SCCPDH: variants seen among roughly 807,000 people sequenced by gnomAD.
SCCPDH encodes saccharopine dehydrogenase (putative).
In SCCPDH, 34 loss-of-function variants were observed where a neutral mutation model predicts 51.5. The ratio of observed to expected loss-of-function variants is 0.66; its 90% confidence interval spans 0.50 to 0.88. The LOEUF is 0.88. Ranked by LOEUF, SCCPDH falls within the 40% of genes least tolerant of loss-of-function variation. The probability of loss-of-function intolerance (pLI) is 0.00; values close to 1 mark genes in which losing one functional copy is unlikely to be tolerated. For missense variants in SCCPDH, 464 were observed against 527.1 expected, an observed-to-expected ratio of 0.88 and a Z score of 1.17; for synonymous variants, 187 against 191.3, an observed-to-expected ratio of 0.98 and a Z score of 0.19.
intron 4 of SCCPDH, among the ~76,000 whole-genome samples, chr1:246,741,075 C>A (rs1352009323): frequency 6.6e-6 from 1 of 151,862 alleles, no homozygotes; most frequent in African/African-American, 2.4e-5. Flanking sequence ...CAGAGTGAGA[C>A]CTTGTCTCTT....
intron 1 of SCCPDH, among the ~76,000 whole-genome samples, chr1:246,726,344 C>G (rs1240762383): frequency 1.3e-5 from 2 of 152,056 alleles, no homozygotes; most frequent in Non-Finnish European, 2.9e-5. Context: ...CTAAGTGATT[C>G]TACCGCCTCA....
chr1:246,733,660 T>TAG (rs1668527708), intron 2 of SCCPDH, among the ~76,000 whole-genome samples: 1 of 151,900 alleles, frequency 6.6e-6, no homozygotes, highest in Non-Finnish European at 1.5e-5. Context: ...GAAATAGGTT[T>TAG]AGAGAGAGAG....
At position 246,725,414 on chromosome 1, in the gene SCCPDH, C is replaced by CG. The variant is rs1668381217; in HGVS notation, c.190+804dup. Among the ~76,000 whole-genome samples the CG allele has an allele frequency of 2.0e-5, 3 of 152,280 alleles. No homozygotes were observed. The South Asian group carries it at 6.2e-4, about 32-fold the overall frequency. On this transcript the variant is annotated intron_variant, in intron 1 of 11. Coordinates refer to ENST00000366510, the MANE Select transcript of SCCPDH (RefSeq NM_016002.3). ...ATGGGACAGAGAGGAGACAGACACA[C>CG]GGATCCTGCTGCCTTCATGGCTGGG...
chr1:246,767,199 G>A lies in SCCPDH; in HGVS notation c.1189G>A (p.Gly397Arg), dbSNP rs778375237. Residue 397 changes from glycine to arginine, a missense_variant, in exon 12 of 12, where the codon GGG becomes AGG. By Grantham distance (125) the Gly-to-Arg change is moderately radical. Coordinates refer to ENST00000366510, the MANE Select transcript of SCCPDH (RefSeq NM_016002.3). ...TCTCTTGTTATTGTTTTATAGGGGC[G>A]GGGTCTTCACACCTGGAGCAGCTTT... ...SDASHLPKAG[G>R]VFTPGAAFSK... 16 of 1,605,912 alleles carry A rather than the reference G, an allele frequency of 1.0e-5. No homozygotes were observed. Among genetic ancestry groups the A allele is most frequent in the Non-Finnish European group, 1.2e-5 (14 of 1,175,328 alleles).
At chr1:246,726,728 T>C (rs1006686484) in intron 1 of SCCPDH, among the ~76,000 whole-genome samples, 164 bp from the exon 2 acceptor site, 2 of 152,270 alleles carry the variant, frequency 1.3e-5, no homozygotes, top group African/African-American at 4.8e-5. Flanking sequence ...TCCTTTTGTA[T>C]TACCTGATTA....
chr1:246,754,262 A>C (rs1180681664), intron 5 of SCCPDH, among the ~76,000 whole-genome samples: 1 of 152,034 alleles, frequency 6.6e-6, no homozygotes, highest in Admixed American at 6.5e-5. Context: ...CCAGGTCGCC[A>C]GCCAGTTTCT....
intron 1 of SCCPDH, among the ~76,000 whole-genome samples, chr1:246,725,000 G>C (rs1263486811): frequency 2.0e-5 from 3 of 152,106 alleles, no homozygotes; most frequent in Non-Finnish European, 2.9e-5. Context: ...ATGTTTGGTC[G>C]GAGAGGAGAG....
At position 246,764,347 on chromosome 1, in the gene SCCPDH, G is replaced by A; in HGVS notation, c.1092G>A (p.Val364=). ...CAAATATCAAAATTTGTACTCAGGT[G>A]AAAGGACCAGGTATTTCACATATCA... ...NKPNIKICTQ[V]KGPEAGYVAT... The change falls in exon 10 of 12, where the codon GTG becomes GTA. Residue 364 remains valine, a synonymous_variant. Transcript: ENST00000366510. 1 of 1,597,864 alleles carries A rather than the reference G, an allele frequency of 6.3e-7. No individual in the cohort carries two copies. Among genetic ancestry groups the A allele is most frequent in the Non-Finnish European group, 8.6e-7 (1 of 1,166,224 alleles).
At chr1:246,763,921 A>G (rs901290761) in intron 9 of SCCPDH, among the ~76,000 whole-genome samples, 19 of 152,090 alleles carry the variant, frequency 1.2e-4, no homozygotes, top group Non-Finnish European at 2.5e-4. Flanking sequence ...CTTGCTGGCT[A>G]TTTTTGTCTT....
Position 246,740,344 on chromosome 1 carries a change from G to A in SCCPDH, c.514+43G>A, listed in dbSNP as rs184700781. On this transcript the variant is annotated intron_variant, in intron 4 of 11. Transcript: ENST00000366510. ...AGCAATAATGGAATTTAACAGTACC[G>A]TGCAAAGGCTTCATGTTTCTAACTG... 9.2e-5 allele frequency: 137 copies of A among 1,483,462 alleles called. No homozygotes were observed. In the African/African-American group the frequency reaches 1.4e-3, roughly 15 times the overall value. 91.9% of individuals were successfully genotyped at this position (1,483,462 alleles called of 1,614,324 possible). A position where few individuals can be genotyped will look rare whatever the true frequency, so the allele number is the denominator to read the frequency against.
chr1:246,731,145 G>A (rs1572293024), intron 2 of SCCPDH, among the ~76,000 whole-genome samples: 2 of 152,194 alleles, frequency 1.3e-5, no homozygotes, highest in Non-Finnish European at 2.9e-5. Context: ...GGGGAGAAGT[G>A]TCTCCCCGAG....
At chr1:246,738,174 C>T (rs1183757679) in intron 3 of SCCPDH, among the ~76,000 whole-genome samples, 1 of 148,182 alleles carries the variant, frequency 6.7e-6, no homozygotes, top group Non-Finnish European at 1.5e-5. Flanking sequence ...CCAGCCTGGG[C>T]AACAGGGTCG....
In SCCPDH at chr1:246,740,276, A is replaced by G; in HGVS notation, c.489A>G (p.Val163=). 6.2e-7 allele frequency: 1 copy of G among 1,600,360 alleles called. No homozygotes were observed. Among genetic ancestry groups the G allele is most frequent in the Non-Finnish European group, 8.5e-7 (1 of 1,170,736 alleles). ...GFDSIPADLG[V]IYTRNKMNGT... ...ACTCCATTCCAGCAGATCTGGGAGT[A>G]ATATATACCAGAAATAAAATGAATG... The change falls in exon 4 of 12, where the codon GTA becomes GTG. Residue 163 remains valine, a synonymous_variant. Transcript: ENST00000366510.
chr1:246,753,391 T>C (rs1668884304), intron 5 of SCCPDH, among the ~76,000 whole-genome samples: 1 of 152,170 alleles, frequency 6.6e-6, no homozygotes, highest in South Asian at 2.1e-4. Context: ...AGTGACAAAA[T>C]GCAGTTTTAA....
chr1:246,764,438 T>G (rs1669060850), intron 10 of SCCPDH, 81 bp downstream of exon 10: 2 of 667,752 alleles, frequency 3.0e-6, no homozygotes, highest in Non-Finnish European at 5.0e-6. Context: ...AATATATTCT[T>G]TTTAAAGCTT....
At chr1:246,736,118 A>C (rs1668586003) in intron 3 of SCCPDH, 63 bp downstream of exon 3, 1 of 1,073,908 alleles carries the variant, frequency 9.3e-7, no homozygotes, top group East Asian at 2.4e-5. Context: ...ATGAAGTGGA[A>C]ATATTTAGTG....
At chr1:246,753,017 C>T (rs1199359932) in intron 5 of SCCPDH, among the ~76,000 whole-genome samples, 1 of 151,368 alleles carries the variant, frequency 6.6e-6, no homozygotes. Flanking sequence ...CTCTCTTTGC[C>T]TCTCTGTCTC....
In SCCPDH at chr1:246,740,315, A is replaced by G; in HGVS notation, c.514+14A>G. ...ATAAAATGAATGGTAATTATTGATC[A>G]ATAAGCAATAATGGAATTTAACAGT... On this transcript the variant is annotated intron_variant, in intron 4 of 11. Coordinates refer to ENST00000366510, the MANE Select transcript of SCCPDH (RefSeq NM_016002.3). 1.9e-6 allele frequency: 3 copies of G among 1,577,294 alleles called. No homozygotes were observed. The highest frequency in any genetic ancestry group is 3.4e-5 in the Admixed American group (2 of 58,072).
intron 5 of SCCPDH, among the ~76,000 whole-genome samples, chr1:246,756,558 G>T (rs1293389721): frequency 6.6e-6 from 1 of 152,136 alleles, no homozygotes; most frequent in Non-Finnish European, 1.5e-5. Flanking sequence ...AAGAAAATAT[G>T]TTTAGATTTT....
Sources: allele counts gnomAD v4.1 joint callset (sites outside exome capture counted in the v4.1 genomes callset), GRCh38; gene constraint gnomAD v4.1.1; transcripts MANE v1.5; gene names NCBI Gene and HGNC (gene_info 2026-07-23, HGNC 2026-07-21).